ATP11C: variants seen among roughly 807,000 people sequenced by gnomAD.
ATP11C encodes the protein phospholipid-transporting ATPase IG.
A neutral mutation model predicts 97.4 loss-of-function variants in ATP11C; 36 were observed. The observed-to-expected ratio is 0.37, with a 90% CI of 0.28 to 0.49. The LOEUF is 0.49. Ranked by LOEUF, ATP11C falls within the 20% of genes least tolerant of loss-of-function variation. ATP11C has a pLI of 0.98. For missense variants in ATP11C, 730 were observed against 824.6 expected, an observed-to-expected ratio of 0.89 and a Z score of 1.40; for synonymous variants, 275 against 290.9, an observed-to-expected ratio of 0.95 and a Z score of 0.56.
chrX:139,729,327 T>C (rs2081296919), intron 29 of ATP11C, among the ~76,000 whole-genome samples: 1 of 111,420 alleles, frequency 9.0e-6, no homozygotes, highest in South Asian at 3.7e-4. Flanking sequence ...TTACCTTCTA[T>C]CTCCAGCAGC....
rs41310462 is a variant in ATP11C at position 139,817,062 on chromosome X, G to A, written c.238-119C>T. 4.1e-3 allele frequency: 1,522 copies of A among 369,973 alleles called. 5 individuals carry two copies. The highest frequency in any genetic ancestry group is 6.1e-3 in the Non-Finnish European group (1,323 of 216,242). 30.5% of individuals were successfully genotyped at this position (369,973 alleles called of 1,213,427 possible). On this transcript the variant is annotated intron_variant, in intron 3 of 29. Transcript: ENST00000682941. Reference sequence around the variant, plus strand: ...TAGACAAAACACTTTCCAGTAGTAGGGTAAATATTAATTTTCATTAAAACA... The same window carrying A: ...TAGACAAAACACTTTCCAGTAGTAGAGTAAATATTAATTTTCATTAAAACA...
intron 1 of ATP11C, among the ~76,000 whole-genome samples, chrX:139,923,949 T>A (rs961886130): frequency 2.7e-5 from 3 of 111,990 alleles, no homozygotes; most frequent in African/African-American, 9.7e-5. Context: ...TAAAATTCAT[T>A]GCTCAGAATT....
intron 29 of ATP11C, among the ~76,000 whole-genome samples, chrX:139,731,310 A>C (rs2081336389): frequency 8.9e-6 from 1 of 112,295 alleles, no homozygotes; most frequent in Admixed American, 9.4e-5. Context: ...TGATCTTTAT[A>C]AATCAAAGTT....
chrX:139,742,201 A>G (rs181833833), intron 26 of ATP11C, among the ~76,000 whole-genome samples: 1 of 111,501 alleles, frequency 9.0e-6, no homozygotes, highest in African/African-American at 3.3e-5. Flanking sequence ...GTGAGACATA[A>G]TAAAAACCGA....
intron 18 of ATP11C, among the ~76,000 whole-genome samples, chrX:139,780,182 C>T (rs963703654): frequency 2.7e-5 from 3 of 111,039 alleles, no homozygotes; most frequent in Non-Finnish European, 5.7e-5. Flanking sequence ...AGGTGAGATT[C>T]CTCCATAACT....
At chrX:139,865,752 C>T (rs920832434) in intron 1 of ATP11C, among the ~76,000 whole-genome samples, 1 of 110,825 alleles carries the variant, frequency 9.0e-6, no homozygotes, top group East Asian at 2.8e-4. Context: ...CAGAGCGAGA[C>T]CCTGTCCCCA....
At chrX:139,798,507 A>G (rs144427417) in intron 9 of ATP11C, among the ~76,000 whole-genome samples, 153 bp from the exon 10 acceptor site, 37 of 112,164 alleles carry the variant, frequency 3.3e-4, no homozygotes, top group Non-Finnish European at 3.8e-5. Context: ...TTTTAATTAT[A>G]TATAGTATTT....
chrX:139,890,805 C>T (rs1032923394), intron 1 of ATP11C, among the ~76,000 whole-genome samples: 8 of 110,796 alleles, frequency 7.2e-5, no homozygotes, highest in African/African-American at 1.6e-4. Flanking sequence ...GGCTGGAGTA[C>T]GCCATAACAG....
intron 24 of ATP11C, among the ~76,000 whole-genome samples, chrX:139,746,453 T>C: frequency 8.9e-6 from 1 of 112,042 alleles, no homozygotes; most frequent in Non-Finnish European, 1.9e-5. Flanking sequence ...CGTGCCAAAG[T>C]TCACTTGGTA....
intron 15 of ATP11C, among the ~76,000 whole-genome samples, chrX:139,786,659 G>A (rs769853594): frequency 2.7e-5 from 3 of 112,391 alleles, no homozygotes; most frequent in Non-Finnish European, 5.6e-5. Flanking sequence ...TTAAGATAAG[G>A]TGGCTTTGTT....
intron 1 of ATP11C, among the ~76,000 whole-genome samples, chrX:139,922,216 T>C (rs770233372): frequency 3.7e-5 from 2 of 53,957 alleles, no homozygotes; most frequent in African/African-American, 6.2e-5. Context: ...CTCTCTCTCC[T>C]TCTCTAAATA....
intron 2 of ATP11C, among the ~76,000 whole-genome samples, chrX:139,826,130 T>G (rs553298834): frequency 9.0e-6 from 1 of 111,570 alleles, no homozygotes; most frequent in South Asian, 3.8e-4. Context: ...TGAAGAAAGA[T>G]GCAGTCAAAC....
rs189557657 is a variant in ATP11C at position 139,757,018 on chromosome X, C to T, written c.2700+790G>A. On this transcript the variant is annotated intron_variant, in intron 23 of 29. Transcript: ENST00000682941. ...CTGCCAAAGAATTAGGAAAAAATCA[C>T]TTCCTACCAGGAGGACCCAAGAAGA... Among the ~76,000 whole-genome samples the T allele has an allele frequency of 5.9e-5, 6 of 102,191 alleles. No individual in the cohort carries two copies. The East Asian group carries it at 1.6e-3, about 26-fold the overall frequency. 88.7% of individuals were successfully genotyped at this position (102,191 alleles called of 115,157 possible).
At chrX:139,853,454 A>G (rs889500868) in intron 1 of ATP11C, among the ~76,000 whole-genome samples, 10 of 111,124 alleles carry the variant, frequency 9.0e-5, no homozygotes, top group Admixed American at 3.8e-4. Flanking sequence ...GAGGGAGTCA[A>G]AGATTGAGAG....
chrX:139,922,292 A>G (rs914056232), intron 1 of ATP11C, among the ~76,000 whole-genome samples: 7 of 91,077 alleles, frequency 7.7e-5, no homozygotes, highest in South Asian at 5.5e-4. Flanking sequence ...AATGACATAA[A>G]TTTACTGGAG....
At chrX:139,830,208 C>T (rs911870814) in intron 1 of ATP11C, among the ~76,000 whole-genome samples, 2 of 111,671 alleles carry the variant, frequency 1.8e-5, no homozygotes, top group Non-Finnish European at 3.8e-5. Flanking sequence ...AATACTGATG[C>T]CTGGTTCTTT....
chrX:139,903,236 C>T (rs1246680873), intron 1 of ATP11C, among the ~76,000 whole-genome samples: 2 of 111,719 alleles, frequency 1.8e-5, no homozygotes, highest in East Asian at 2.8e-4. Context: ...TTTTCATCCA[C>T]GGTTCCTGGC....
intron 1 of ATP11C, among the ~76,000 whole-genome samples, chrX:139,907,282 A>C (rs749457010): frequency 8.9e-6 from 1 of 111,843 alleles, no homozygotes; most frequent in African/African-American, 3.2e-5. Context: ...CCACATGACT[A>C]AGATTTCTCC....
rs764782805 is a variant in ATP11C at position 139,727,142 on chromosome X, C to G, written c.*1824G>C. 2 of 112,272 alleles carry G rather than the reference C, an allele frequency of 1.8e-5. No homozygotes were observed. The highest frequency in any genetic ancestry group is 5.6e-4 in the East Asian group (2 of 3,560). The allele number at this position is 112,272 out of a possible 1,213,427, so 9.3% of individuals were successfully genotyped here. ...AACTCTCCAATGGTACTGCATTAAA[C>G]AAGCCTCTCTACTGTGGCTCTCTTG... On this transcript the variant is annotated 3_prime_UTR_variant, in exon 30 of 30. Coordinates refer to ENST00000682941, the MANE Select transcript of ATP11C (RefSeq NM_001353812.2).
Sources: allele counts gnomAD v4.1 joint callset (sites outside exome capture counted in the v4.1 genomes callset), GRCh38; gene constraint gnomAD v4.1.1; transcripts MANE v1.5; gene names NCBI Gene and HGNC (gene_info 2026-07-23, HGNC 2026-07-21).